The following ABLIM3 variants were observed in gnomAD, a reference collection of about 807,000 sequenced individuals.
ABLIM3 encodes the protein actin-binding LIM protein 3.
A neutral mutation model predicts 109.5 loss-of-function variants in ABLIM3; 61 were observed. The ratio of observed to expected loss-of-function variants is 0.56; its 90% CI spans 0.45 to 0.69. The LOEUF (loss-of-function observed/expected upper bound fraction) is 0.69. ABLIM3 is among the 30% of genes least tolerant of loss of function. The probability of loss-of-function intolerance (pLI) is 0.00; values close to 1 mark genes in which losing one functional copy is unlikely to be tolerated. For missense variants in ABLIM3, 796 were observed against 889.5 expected (o/e 0.89, Z 1.34); for synonymous variants, 300 against 324.8 (o/e 0.92, Z 0.82).
chr5:149,249,862 T>A lies in ABLIM3; in HGVS notation c.1729+18T>A, dbSNP rs769799666. 5 of 1,614,122 alleles carry A rather than the reference T, an allele frequency of 3.1e-6. No homozygotes were observed. The highest frequency in any genetic ancestry group is 3.4e-6 in the Non-Finnish European group (4 of 1,179,940). ...TGACAGTGGTAAGTTCTACCTGCCC[T>A]ACCTTCAGCCCATCATGTCCCATGA... On this transcript the variant is annotated intron_variant, in intron 19 of 23. Coordinates refer to ENST00000309868, the MANE Select transcript of ABLIM3 (RefSeq NM_014945.5).
intron 2 of ABLIM3, chr5:149,164,377 A>T (rs866650442): frequency 6.6e-6 from 1 of 152,372 alleles, no homozygotes; most frequent in South Asian, 2.1e-4. Flanking sequence ...CAGAGAACTG[A>T]GTAGCATCCC....
Position 149,200,329 on chromosome 5 carries a change from A to G in ABLIM3, c.349A>G (p.Ile117Val), listed in dbSNP as rs149111210. 8 of 1,614,202 alleles carry G rather than the reference A, an allele frequency of 5.0e-6. No individual in the cohort carries two copies. Among genetic ancestry groups the G allele is most frequent in the Admixed American group, 3.3e-5 (2 of 60,028 alleles). Residue 117 changes from isoleucine (I) to valine (V), a missense_variant, in exon 5 of 24, where the codon ATT becomes GTT. By Grantham distance (29) the Ile-to-Val change is conservative. Transcript: ENST00000309868. ...TCCCACTTGCAGGAAGCCTTTCCCC[A>G]TTGGAGACAAGGTGACCTTCAGCGG... ...VCSLCRKPFP[I>V]GDKVTFSGKE...
rs138559616 is a variant in ABLIM3 at position 149,237,806 on chromosome 5, C to A, written c.1044+203C>A. Among the ~76,000 whole-genome samples the A allele has an allele frequency of 1.0e-3, 159 of 152,266 alleles. 4 individuals carry two copies. The East Asian group carries it at 0.03, about 28-fold the overall frequency. On this transcript the variant is annotated intron_variant, in intron 11 of 23. Coordinates refer to ENST00000309868, the MANE Select transcript of ABLIM3 (RefSeq NM_014945.5). ...CTTCTTGAAAAATCAGAGCCGACAA[C>A]CTTAAACCTACATTTCCACCATCTG... is the stretch of plus-strand genomic sequence containing the variant.
chr5:149,239,982 A>G (rs1752641262), intron 13 of ABLIM3, 94 bp downstream of exon 13: 2 of 1,459,686 alleles, frequency 1.4e-6, no homozygotes, highest in Non-Finnish European at 1.8e-6. Flanking sequence ...AGGCTCCCCC[A>G]TGATCTCCAT....
chr5:149,164,984 T>C (rs1754695063), intron 2 of ABLIM3, among the ~76,000 whole-genome samples: 2 of 152,238 alleles, frequency 1.3e-5, no homozygotes, highest in Non-Finnish European at 2.9e-5. Flanking sequence ...TGCTCAGTTG[T>C]AGAACTGGTA....
At chr5:149,188,674 C>G (rs1757205592) in intron 3 of ABLIM3, among the ~76,000 whole-genome samples, 1 of 152,194 alleles carries the variant, frequency 6.6e-6, no homozygotes, top group African/African-American at 2.4e-5. Context: ...GTACTAATCT[C>G]ATCATGAGGG....
chr5:149,229,670 T>C (rs1212324406), intron 8 of ABLIM3, among the ~76,000 whole-genome samples: 1 of 152,218 alleles, frequency 6.6e-6, no homozygotes, highest in Non-Finnish European at 1.5e-5. Flanking sequence ...AATCCAGCCA[T>C]TGCTGGCTTC....
At chr5:149,210,113 C>T (rs903964030) in intron 6 of ABLIM3, among the ~76,000 whole-genome samples, 2 of 152,324 alleles carry the variant, frequency 1.3e-5, no homozygotes, top group African/African-American at 4.8e-5. Context: ...TCCTCAAAGA[C>T]TCCTCTCAGC....
chr5:149,246,445 G>T, intron 16 of ABLIM3, 37 bp from the exon 17 acceptor site: 1 of 1,605,688 alleles, frequency 6.2e-7, no homozygotes, highest in East Asian at 2.2e-5. Flanking sequence ...TGAGTGGGGT[G>T]CACATGCCGG....
chr5:149,200,248 C>A, intron 4 of ABLIM3, 68 bp from the exon 5 acceptor site: 2 of 1,373,850 alleles, frequency 1.5e-6, no homozygotes, highest in African/African-American at 1.4e-5. Context: ...GCTTTGAGCA[C>A]ATGTGTGGTC....
At chr5:149,208,832 T>G (rs1253123814) in intron 6 of ABLIM3, among the ~76,000 whole-genome samples, 1 of 152,154 alleles carries the variant, frequency 6.6e-6, no homozygotes, top group African/African-American at 2.4e-5. Context: ...TAAAGGGCTG[T>G]GAATATTCAG....
intron 3 of ABLIM3, among the ~76,000 whole-genome samples, chr5:149,190,117 A>G (rs1237778806): frequency 6.6e-6 from 1 of 152,222 alleles, no homozygotes; most frequent in African/African-American, 2.4e-5. Context: ...AAGGCTACAC[A>G]TTGCAGGATT....
intron 7 of ABLIM3, among the ~76,000 whole-genome samples, chr5:149,216,335 T>A (rs1760081580): frequency 6.6e-6 from 1 of 152,216 alleles, no homozygotes; most frequent in African/African-American, 2.4e-5. Context: ...CCATATTGCA[T>A]GTAACCTGAA....
Position 149,200,418 on chromosome 5 carries a change from T to C in ABLIM3, c.438T>C (p.Arg146=), listed in dbSNP as rs878871139. ...SMASSKPIKI[R]GPSHCAGCKE... Reference sequence around the variant, plus strand: ...CCAGCAGTAAGCCCATCAAGATTCGTGGACCAAGCCGTGAGTCCTCCCCAC... The same window carrying C: ...CCAGCAGTAAGCCCATCAAGATTCGCGGACCAAGCCGTGAGTCCTCCCCAC... The change falls in exon 5 of 24, where the codon CGT becomes CGC. Residue 146 remains arginine, a synonymous_variant. Transcript: ENST00000309868. 1.2e-6 allele frequency: 2 copies of C among 1,614,226 alleles called. No homozygotes were observed. The highest frequency in any genetic ancestry group is 1.7e-6 in the Non-Finnish European group (2 of 1,180,030).
intron 11 of ABLIM3, among the ~76,000 whole-genome samples, chr5:149,237,884 C>A (rs1013678026): frequency 2.0e-5 from 3 of 152,200 alleles, no homozygotes; most frequent in Non-Finnish European, 2.9e-5. Context: ...CCATTCCCCC[C>A]AGTCCCCCGA....
In ABLIM3 at chr5:149,206,973, G is replaced by A. The variant is rs1423040861; in HGVS notation, c.449-35G>A. ...AGATAGCGGGGGTTAAAGGGCCCAG[G>A]GTGCTTTGCTCAGCAGTGTCCTCTT... On this transcript the variant is annotated intron_variant, in intron 5 of 23. Transcript: ENST00000309868. The A allele has an allele frequency of 4.4e-6, 7 of 1,605,580 alleles. No homozygotes were observed. The South Asian group carries it at 5.5e-5, about 13-fold the overall frequency.
chr5:149,239,264 C>T lies in ABLIM3; in HGVS notation c.1061C>T (p.Ser354Phe), dbSNP rs1210986215. Residue 354 changes from serine to phenylalanine, a missense_variant, in exon 12 of 24, where the codon TCT becomes TTT. Coordinates refer to ENST00000309868, the MANE Select transcript of ABLIM3 (RefSeq NM_014945.5). ...ACTTCTAAGTCGCTGGGAACATTAT[C>T]TCCCTACTCCCAGGTAATTCAGCTG... ...CGYGESLGTL[S>F]PYSQDIYENL... 6.2e-7 allele frequency: 1 copy of T among 1,614,084 alleles called. No homozygotes were observed. The highest frequency in any genetic ancestry group is 1.3e-5 in the African/African-American group (1 of 75,038).
At chr5:149,238,284 A>G (rs1177287627) in intron 11 of ABLIM3, among the ~76,000 whole-genome samples, 4 of 152,010 alleles carry the variant, frequency 2.6e-5, no homozygotes, top group Non-Finnish European at 4.4e-5. Flanking sequence ...CTTATCCCAG[A>G]CCCCTTGAGT....
intron 8 of ABLIM3, among the ~76,000 whole-genome samples, chr5:149,228,684 AC>A (rs1761548721): frequency 6.6e-6 from 1 of 152,096 alleles, no homozygotes; most frequent in African/African-American, 2.4e-5. Flanking sequence ...CTACCAACTA[AC>A]TTTTTTTAGC....
Sources: gnomAD v4.1 joint callset for allele counts (sites outside exome capture counted in the v4.1 genomes callset) on GRCh38, gnomAD v4.1.1 for gene constraint, MANE v1.5 for transcripts, NCBI Gene and HGNC (gene_info 2026-07-23, HGNC 2026-07-21) for gene names.